Variants in PREPL observed in about 807,000 individuals in gnomAD.
The protein encoded by PREPL is prolyl endopeptidase-like.
Under a neutral mutation model 70.6 loss-of-function variants are expected in PREPL, and 77 were observed. That is an observed-to-expected ratio of 1.09 (90% CI 0.91 to 1.32). The LOEUF (loss-of-function observed/expected upper bound fraction) is 1.32. Among genes scored for constraint, PREPL ranks in the 40% most tolerant of loss-of-function variants. The probability of loss-of-function intolerance (pLI) is 0.00; values close to 1 mark genes in which losing one functional copy is unlikely to be tolerated. For synonymous variants in PREPL, 315 were observed against 264.8 expected (o/e 1.19, Z -1.84); for missense variants, 1,002 against 778.2 (o/e 1.29, Z -3.42).
At chr2:44,353,630 T>C (rs1676693346) in intron 1 of PREPL, among the ~76,000 whole-genome samples, 1 of 151,490 alleles carries the variant, frequency 6.6e-6, no homozygotes, top group African/African-American at 2.4e-5. Context: ...TACAAAGCTA[T>C]AGTAATTAAA....
intron 1 of PREPL, chr2:44,360,057 C>T (rs115524971): frequency 3.7e-4 from 71 of 193,532 alleles, no homozygotes; most frequent in African/African-American, 1.6e-3. Context: ...AAAAACAAAA[C>T]AAGAAACAAA....
chr2:44,322,933 T>C, intron 11 of PREPL, 79 bp from the exon 12 acceptor site: 1 of 1,525,092 alleles, frequency 6.6e-7, no homozygotes, highest in Non-Finnish European at 8.8e-7. Flanking sequence ...GAAAAATAAT[T>C]ACCTCCAATT....
chr2:44,332,398 C>T, intron 8 of PREPL, 61 bp downstream of exon 8: 1 of 1,412,640 alleles, frequency 7.1e-7, no homozygotes, highest in Non-Finnish European at 9.9e-7. Flanking sequence ...AACTGCATGG[C>T]ATCTGGCAAA....
In PREPL at chr2:44,342,492, C is replaced by A. The variant is rs371309095; in HGVS notation, c.410G>T (p.Arg137Leu). Residue 137 changes from arginine (R) to leucine (L), a missense_variant, in exon 5 of 14, where the codon CGC becomes CTC. Arg to Leu is a moderately radical substitution (Grantham distance 102). Coordinates refer to ENST00000409411, the MANE Select transcript of PREPL (RefSeq NM_001171613.2). ...VLFYTFQRNL[R>L]CHDVYRATFG... ...AGTGGCTCGATATACGTCATGACAG[C>A]GAAGGTTCCTCTGGAAGGTGTAGAA... The A allele has an allele frequency of 6.2e-7, 1 of 1,612,458 alleles. No individual in the cohort carries two copies. The highest frequency in any genetic ancestry group is 1.7e-5 in the Admixed American group (1 of 59,902).
intron 1 of PREPL, chr2:44,347,469 T>C (rs1276373847): frequency 2.0e-5 from 3 of 152,208 alleles, no homozygotes; most frequent in African/African-American, 7.2e-5. Flanking sequence ...TGAGTGGAGA[T>C]ATAGATGAAA....
intron 1 of PREPL, among the ~76,000 whole-genome samples, chr2:44,358,405 A>T (rs565179761): frequency 6.6e-5 from 10 of 151,902 alleles, no homozygotes; most frequent in African/African-American, 1.9e-4. Context: ...AAATTAAAAT[A>T]AAAAAAATAT....
chr2:44,327,705 T>C (rs539003831), intron 9 of PREPL, among the ~76,000 whole-genome samples: 22 of 149,936 alleles, frequency 1.5e-4, no homozygotes, highest in Middle Eastern at 6.8e-3. Flanking sequence ...CTCCTAAAAA[T>C]AGAAAAAATT....
rs185432623 is a variant in PREPL, at chr2:44,338,540, C to T, written c.703-4G>A. 8 of 1,596,522 alleles carry T rather than the reference C, an allele frequency of 5.0e-6. No individual in the cohort carries two copies. The East Asian group carries it at 6.7e-5, about 13-fold the overall frequency. On this transcript the variant is annotated splice_region_variant and splice_polypyrimidine_tract_variant and intron_variant, in intron 6 of 13. Transcript: ENST00000409411. The stretch of plus-strand genomic sequence containing the variant: ...TATCAGCCGCTGTTCTCATTAGCTA[C>T]GTGGAACAAAGTTAGAAGACATATA...
chr2:44,338,872 A>G lies in PREPL; in HGVS notation c.702+275T>C, dbSNP rs546974717. Among the ~76,000 whole-genome samples, 47 of 152,366 alleles carry G rather than the reference A, an allele frequency of 3.1e-4. 2 individuals are homozygous for G. In the South Asian group the frequency reaches 8.5e-3, roughly 28 times the overall value. ...TGAGATCAATCCAAATTGCCAACTCATAAAATCACGAGTTTGTAAGTTTGC... is the reference window on the plus strand; with the variant it reads ...TGAGATCAATCCAAATTGCCAACTCGTAAAATCACGAGTTTGTAAGTTTGC... On this transcript the variant is annotated intron_variant, in intron 6 of 13. Coordinates refer to ENST00000409411, the MANE Select transcript of PREPL (RefSeq NM_001171613.2).
At chr2:44,331,912 T>G (rs1330541705) in intron 8 of PREPL, among the ~76,000 whole-genome samples, 2 of 151,800 alleles carry the variant, frequency 1.3e-5, no homozygotes, top group South Asian at 2.1e-4. Context: ...ATAAACAACA[T>G]GTAAAATAAA....
intron 1 of PREPL, chr2:44,359,480 A>G (rs1677424203): frequency 6.4e-7 from 1 of 1,554,134 alleles, no homozygotes; most frequent in South Asian, 1.1e-5. Flanking sequence ...AAATAGGTTA[A>G]CTTAAACAGT....
At chr2:44,344,453 A>G in intron 3 of PREPL, 67 bp downstream of exon 3, 1 of 1,175,530 alleles carries the variant, frequency 8.5e-7, no homozygotes, top group Non-Finnish European at 1.2e-6. Context: ...TGAGAAATTA[A>G]TAAATTTCCT....
At chr2:44,359,626 G>T (rs750330934) in intron 1 of PREPL, 1 of 1,611,710 alleles carries the variant, frequency 6.2e-7, no homozygotes, top group Non-Finnish European at 8.5e-7. Context: ...CGAAGTTATA[G>T]TGATTCAAAT....
intron 11 of PREPL, 103 bp from the exon 12 acceptor site, chr2:44,322,957 G>A (rs1673128708): frequency 6.9e-7 from 1 of 1,442,946 alleles, no homozygotes; most frequent in Non-Finnish European, 9.3e-7. Context: ...CCCTGTAAGT[G>A]CTCTATGCTT....
At chr2:44,353,569 C>CA (rs1438014099) in intron 1 of PREPL, among the ~76,000 whole-genome samples, 1 of 149,576 alleles carries the variant, frequency 6.7e-6, no homozygotes, top group Non-Finnish European at 1.5e-5. Flanking sequence ...ACCTGGGCGA[C>CA]AGAGCGAGAC....
rs1157448559 is a variant in PREPL, at chr2:44,318,195, A to C, written c.*3161T>G. 10 of 410,042 alleles carry C rather than the reference A, an allele frequency of 2.4e-5. No individual in the cohort carries two copies. The East Asian group carries it at 8.4e-4, about 35-fold the overall frequency. The allele number at this position is 410,042 out of a possible 1,614,324, so 25.4% of individuals were successfully genotyped here. The stretch of plus-strand genomic sequence containing the variant: ...AGCCTCTGCTTCCTGGGTTCAAGTG[A>C]TTCTCCTGCTGCAGCCTCCCAAGTA... On this transcript the variant is annotated 3_prime_UTR_variant, in exon 14 of 14. Coordinates refer to ENST00000409411, the MANE Select transcript of PREPL (RefSeq NM_001171613.2).
intron 10 of PREPL, among the ~76,000 whole-genome samples, chr2:44,323,818 C>A (rs1299903116): frequency 6.6e-6 from 1 of 152,178 alleles, no homozygotes; most frequent in Non-Finnish European, 1.5e-5. Context: ...TCCTGATACA[C>A]TGGTGGTTGG....
Position 44,321,836 on chromosome 2 carries a change from A to G in PREPL, c.1818T>C (p.Ser606=). 6.2e-7 allele frequency: 1 copy of G among 1,613,754 alleles called. No individual in the cohort carries two copies. Among genetic ancestry groups the G allele is most frequent in the Non-Finnish European group, 8.5e-7 (1 of 1,179,718 alleles). Residue 606 remains serine (S), a synonymous_variant, in exon 13 of 14, where the codon TCT becomes TCC. Transcript: ENST00000409411. ...GGCCTTGATAACATACCTTTTTGTG[A>G]GAATCCTCAATTACATGATTGCCTC... The part of the protein sequence containing the change: ...QPGGNHVIED[S]HKKITAQIKF...
intron 5 of PREPL, among the ~76,000 whole-genome samples, chr2:44,340,200 T>C (rs1675063936): frequency 6.6e-6 from 1 of 152,114 alleles, no homozygotes; most frequent in Non-Finnish European, 1.5e-5. Context: ...ATTTAGATTT[T>C]AATGTTTCAT....
Sources: allele counts gnomAD v4.1 joint callset (sites outside exome capture counted in the v4.1 genomes callset), GRCh38; gene constraint gnomAD v4.1.1; transcripts MANE v1.5; gene names NCBI Gene and HGNC (gene_info 2026-07-23, HGNC 2026-07-21).